The following HPSE2 variants were observed in gnomAD, a reference collection of about 807,000 sequenced individuals.
HPSE2 encodes the protein heparanase 2 (inactive).
Under a neutral mutation model 60.5 loss-of-function variants are expected in HPSE2, and 38 were observed. The observed-to-expected ratio is 0.63, with a 90% CI of 0.48 to 0.82. The LOEUF is 0.82. Ranked by LOEUF, HPSE2 falls within the 40% of genes least tolerant of loss-of-function variation. The pLI is 0.00. For synonymous variants in HPSE2, 295 were observed against 293.2 expected, an observed-to-expected ratio of 1.01 and a Z score of -0.06; for missense variants, 713 against 740.4, an observed-to-expected ratio of 0.96 and a Z score of 0.43.
intron 3 of HPSE2, among the ~76,000 whole-genome samples, chr10:99,120,329 A>T (rs993958943): frequency 1.3e-5 from 2 of 152,204 alleles, no homozygotes; most frequent in African/African-American, 4.8e-5. Context: ...TAATCCTATG[A>T]AAAAAAGCTC....
chr10:98,895,468 G>T (rs1953460312), intron 3 of HPSE2, among the ~76,000 whole-genome samples: 1 of 152,054 alleles, frequency 6.6e-6, no homozygotes, highest in African/African-American at 2.4e-5. Context: ...ACCTCATCAG[G>T]TCTCTGTGTA....
intron 3 of HPSE2, among the ~76,000 whole-genome samples, chr10:99,097,576 T>C (rs1391395084): frequency 2.6e-5 from 4 of 152,190 alleles, no homozygotes; most frequent in Non-Finnish European, 5.9e-5. Context: ...TTTACATGGT[T>C]GCAAACTTAT....
At chr10:98,801,372 GA>G (rs752089755) in intron 3 of HPSE2, among the ~76,000 whole-genome samples, 49 of 149,562 alleles carry the variant, frequency 3.3e-4, no homozygotes, top group African/African-American at 1.2e-3. Context: ...AATCAGACAA[GA>G]AAAAAAAATA....
At chr10:99,096,761 G>A (rs1025881341) in intron 3 of HPSE2, among the ~76,000 whole-genome samples, 3 of 151,594 alleles carry the variant, frequency 2.0e-5, no homozygotes, top group East Asian at 1.9e-4. Context: ...AAAGGTTTCC[G>A]CATACCCCTG....
chr10:99,058,136 C>T (rs1003127827), intron 3 of HPSE2, among the ~76,000 whole-genome samples: 4 of 152,118 alleles, frequency 2.6e-5, no homozygotes, highest in Non-Finnish European at 5.9e-5. Context: ...TAGAGGGTTC[C>T]GGCAGAAAGG....
intron 9 of HPSE2, among the ~76,000 whole-genome samples, chr10:98,550,725 C>T (rs568030071): frequency 3.9e-5 from 6 of 152,076 alleles, no homozygotes; most frequent in African/African-American, 7.2e-5. Flanking sequence ...ATGCCCGCCT[C>T]GGCCTCCCAA....
At chr10:98,637,359 G>A (rs1477224295) in intron 7 of HPSE2, among the ~76,000 whole-genome samples, 1 of 152,124 alleles carries the variant, frequency 6.6e-6, no homozygotes, top group African/African-American at 2.4e-5. Flanking sequence ...CAAAGAACAA[G>A]TTGAGGATAA....
At chr10:99,262,007 G>A in the HPSE2 span, among the ~76,000 whole-genome samples, 2 of 152,178 alleles carry the variant, frequency 1.3e-5, no homozygotes, top group Non-Finnish European at 2.9e-5. Context: ...CTGGAACTCT[G>A]GCCCGAGGCT....
At position 98,482,799 on chromosome 10, in the gene HPSE2, G is replaced by C. The variant is rs753095598; in HGVS notation, c.1467-17C>G. ...TAGTTGTGGCTGAGATCCAGAGAAA[G>C]AGAGAAGTGAAAGATGGAAACAAAG... On this transcript the variant is annotated splice_polypyrimidine_tract_variant and intron_variant, in intron 10 of 11. Coordinates refer to ENST00000370552, the MANE Select transcript of HPSE2 (RefSeq NM_021828.5). 1 of 1,613,968 alleles carries C rather than the reference G, an allele frequency of 6.2e-7. No individual in the cohort carries two copies. The highest frequency in any genetic ancestry group is 2.2e-5 in the East Asian group (1 of 44,882).
At chr10:99,167,718 A>AGT (rs916796957) in intron 2 of HPSE2, among the ~76,000 whole-genome samples, 12 of 151,980 alleles carry the variant, frequency 7.9e-5, no homozygotes, top group South Asian at 2.1e-4. Context: ...TATTCTAGTT[A>AGT]GTGTGTGTGT....
At chr10:98,730,914 A>G (rs1278866291) in intron 4 of HPSE2, among the ~76,000 whole-genome samples, 2 of 152,182 alleles carry the variant, frequency 1.3e-5, no homozygotes, top group African/African-American at 4.8e-5. Context: ...TTACAAACTC[A>G]GAAAATGGAG....
intron 6 of HPSE2, among the ~76,000 whole-genome samples, chr10:98,677,285 A>T (rs1262939532): frequency 2.0e-5 from 3 of 152,230 alleles, no homozygotes; most frequent in African/African-American, 7.2e-5. Context: ...ATTAATAAAT[A>T]AAATGTAACA....
chr10:98,531,967 G>T (rs940028646), intron 9 of HPSE2, among the ~76,000 whole-genome samples: 2 of 152,186 alleles, frequency 1.3e-5, no homozygotes, highest in Non-Finnish European at 1.5e-5. Context: ...ACTGTTAGTT[G>T]TTTTTTCATA....
chr10:99,054,764 G>A (rs947310760), intron 3 of HPSE2, among the ~76,000 whole-genome samples: 1 of 152,202 alleles, frequency 6.6e-6, no homozygotes, highest in East Asian at 1.9e-4. Flanking sequence ...AGGCTGGAGT[G>A]CAGTTGTGTA....
At chr10:98,814,380 G>C (rs1368567339) in intron 3 of HPSE2, among the ~76,000 whole-genome samples, 1 of 152,046 alleles carries the variant, frequency 6.6e-6, no homozygotes, top group Non-Finnish European at 1.5e-5. Context: ...TCTATAACTT[G>C]TCTATTTCTC....
chr10:99,165,240 T>C (rs988185278), intron 2 of HPSE2, among the ~76,000 whole-genome samples: 4 of 152,144 alleles, frequency 2.6e-5, no homozygotes, highest in African/African-American at 9.7e-5. Context: ...TGCTAACCCA[T>C]ACTCCTTTAA....
the HPSE2 span, among the ~76,000 whole-genome samples, chr10:99,243,545 T>A: frequency 2.6e-5 from 4 of 152,340 alleles, no homozygotes; most frequent in South Asian, 8.3e-4. Flanking sequence ...TATGTATGTA[T>A]AAGTTGTTTT....
chr10:99,097,534 A>G (rs1186845217), intron 3 of HPSE2, among the ~76,000 whole-genome samples: 1 of 152,172 alleles, frequency 6.6e-6, no homozygotes, highest in Admixed American at 6.5e-5. Flanking sequence ...ATCTCTGTTA[A>G]CTAAATTTTT....
chr10:99,246,839 T>G, the HPSE2 span, among the ~76,000 whole-genome samples: 1 of 152,226 alleles, frequency 6.6e-6, no homozygotes, highest in Non-Finnish European at 1.5e-5. Flanking sequence ...TTTCATACTG[T>G]TTTTCTTTTT....
Sources: gnomAD v4.1 joint callset for allele counts (sites outside exome capture counted in the v4.1 genomes callset) on GRCh38, gnomAD v4.1.1 for gene constraint, MANE v1.5 for transcripts, NCBI Gene and HGNC (gene_info 2026-07-23, HGNC 2026-07-21) for gene names.